The following SNED1 variants were observed in gnomAD, a reference collection of about 807,000 sequenced individuals.
SNED1 encodes the protein sushi, nidogen and EGF like domains 1.
A neutral mutation model predicts 166.7 loss-of-function variants in SNED1; 81 were observed. The ratio of observed to expected loss-of-function variants is 0.49; its 90% CI spans 0.41 to 0.58. SNED1 has a LOEUF of 0.58. Among genes scored for constraint, SNED1 ranks in the 20% least tolerant of loss-of-function variants. The pLI, the probability that SNED1 is intolerant of heterozygous loss-of-function variation, is 0.00. For missense variants in SNED1, 1,604 were observed against 2,000.2 expected (o/e 0.80, Z 3.78); for synonymous variants, 762 against 822.0 (o/e 0.93, Z 1.25).
chr2:241,051,448 T>C lies in SNED1; in HGVS notation c.1736-296T>C, dbSNP rs1574990893. 3 of 326,800 alleles carry C rather than the reference T, an allele frequency of 9.2e-6. No homozygotes were observed. In the East Asian group the frequency reaches 1.4e-4, roughly 15 times the overall value. The allele number at this position is 326,800 out of a possible 1,614,324, so 20.2% of individuals were successfully genotyped here. On this transcript the variant is annotated intron_variant, in intron 12 of 31. Coordinates refer to ENST00000310397, the MANE Select transcript of SNED1 (RefSeq NM_001080437.3). This position sits in a 1 kb window ranked among gnomAD's most constrained non-coding sequence, Gnocchi z 4.7. ...GGAGGGAGTGCTGCGCCCGCTGCAGTGTTGGGGCCGGTTCTCCACAGGAAG... is the reference window on the plus strand; with the variant it reads ...GGAGGGAGTGCTGCGCCCGCTGCAGCGTTGGGGCCGGTTCTCCACAGGAAG...
intron 28 of SNED1, 119 bp from the exon 29 acceptor site, chr2:241,082,158 C>G: frequency 1.3e-6 from 1 of 760,598 alleles, no homozygotes; most frequent in South Asian, 1.8e-5. Context: ...CCCACCATCC[C>G]GCCTTGGAGG....
intron 5 of SNED1, 25 bp downstream of exon 5, chr2:241,036,940 C>T (rs2125025732): frequency 6.3e-7 from 1 of 1,596,552 alleles, no homozygotes; most frequent in East Asian, 2.3e-5. Context: ...CAGGGCGGGA[C>T]CACCCGCTGG....
chr2:240,998,587 A>T (rs867574806), upstream of SNED1, among the ~76,000 whole-genome samples: 1 of 151,730 alleles, frequency 6.6e-6, no homozygotes, highest in Non-Finnish European at 1.5e-5. Flanking sequence ...GCCGGGCTGG[A>T]TATTTAAATC....
rs539086477 is a variant in SNED1, at chr2:241,053,873, C to T, written c.2257+547C>T. Among the ~76,000 whole-genome samples, 4 of 152,316 alleles carry T rather than the reference C, an allele frequency of 2.6e-5. No individual in the cohort carries two copies. The South Asian group carries it at 8.3e-4, about 32-fold the overall frequency. On this transcript the variant is annotated intron_variant, in intron 16 of 31. Transcript: ENST00000310397. Reference sequence around the variant, plus strand: ...CCTGGAGAAGTAGGGCCATTAACACCCTGCAGGTGCATCGCATTATGCCAG... The same window carrying T: ...CCTGGAGAAGTAGGGCCATTAACACTCTGCAGGTGCATCGCATTATGCCAG...
chr2:241,017,798 T>C (rs772136851), intron 1 of SNED1, among the ~76,000 whole-genome samples: 1 of 152,208 alleles, frequency 6.6e-6, no homozygotes, highest in Non-Finnish European at 1.5e-5. Flanking sequence ...TGAAGAATCC[T>C]GCAGAGCCCC....
At chr2:241,048,253 C>T (rs984002098) in intron 8 of SNED1, 62 bp from the exon 9 acceptor site, 145 of 1,499,748 alleles carry the variant, frequency 9.7e-5, no homozygotes, top group East Asian at 3.3e-4. Context: ...TGGAGCTGGG[C>T]GGGGAGACCA....
At chr2:241,016,500 G>A (rs1057230430) in intron 1 of SNED1, among the ~76,000 whole-genome samples, 1 of 151,942 alleles carries the variant, frequency 6.6e-6, no homozygotes, top group Non-Finnish European at 1.5e-5. Context: ...CCGGCCCATG[G>A]TGGATTATTT....
intron 24 of SNED1, 80 bp downstream of exon 24, chr2:241,070,281 C>T: frequency 7.1e-7 from 1 of 1,414,880 alleles, no homozygotes. Flanking sequence ...CCTGGCCCTG[C>T]AGGGGCCTGG....
intron 1 of SNED1, among the ~76,000 whole-genome samples, chr2:241,024,438 A>T (rs1305984036): frequency 6.7e-6 from 1 of 149,022 alleles, no homozygotes; most frequent in African/African-American, 2.5e-5. Context: ...TAGTAGAGAC[A>T]GGGTTTCACT....
intron 1 of SNED1, among the ~76,000 whole-genome samples, chr2:241,030,016 A>C (rs2061115234): frequency 1.3e-5 from 2 of 152,216 alleles, no homozygotes; most frequent in South Asian, 4.1e-4. Context: ...TATAGCAGCC[A>C]ACCAGGACTG....
chr2:241,029,177 C>A (rs2061080318), intron 1 of SNED1, among the ~76,000 whole-genome samples: 1 of 152,266 alleles, frequency 6.6e-6, no homozygotes, highest in Non-Finnish European at 1.5e-5. Context: ...AACTCATTCA[C>A]CTGGGCCCAG....
At chr2:241,003,527 C>G (rs2060134125) in intron 1 of SNED1, among the ~76,000 whole-genome samples, 1 of 152,256 alleles carries the variant, frequency 6.6e-6, no homozygotes, top group Non-Finnish European at 1.5e-5. Context: ...CCTTCCCTGA[C>G]AGGGTGAGCC....
chr2:241,005,164 AT>A (rs1359349457), intron 1 of SNED1, among the ~76,000 whole-genome samples: 2 of 151,646 alleles, frequency 1.3e-5, no homozygotes, highest in African/African-American at 2.4e-5. Flanking sequence ...AAAAATTTTT[AT>A]TTTTTAAATT....
intron 4 of SNED1, 118 bp downstream of exon 4, chr2:241,034,848 T>C: frequency 8.7e-7 from 1 of 1,147,690 alleles, no homozygotes; most frequent in Non-Finnish European, 1.2e-6. Context: ...AGCACTTGGG[T>C]GTCCAGCCCA....
rs1484411456 is a variant in SNED1 at position 240,999,864 on chromosome 2, T to C, written c.213+814T>C. ...TCGCCCTGAGTAGGCCACGGTGCAC[T>C]GGTACCTGGTGGTTCCCTGAAACAC... On this transcript the variant is annotated intron_variant, in intron 1 of 31. Coordinates refer to ENST00000310397, the MANE Select transcript of SNED1 (RefSeq NM_001080437.3). This position sits in a 1 kb window ranked among gnomAD's most constrained non-coding sequence, Gnocchi z 5.8. Among the ~76,000 whole-genome samples the C allele has an allele frequency of 6.6e-6, 1 of 152,106 alleles. No homozygotes were observed. Among genetic ancestry groups the C allele is most frequent in the Non-Finnish European group, 1.5e-5 (1 of 67,988 alleles).
intron 29 of SNED1, among the ~76,000 whole-genome samples, chr2:241,084,176 C>T (rs937106766): frequency 6.9e-6 from 1 of 144,020 alleles, no homozygotes; most frequent in African/African-American, 2.7e-5. Flanking sequence ...CCCTCTTGTC[C>T]CCCAGGCTGG....
At chr2:241,028,119 T>TC (rs1455468227) in intron 1 of SNED1, among the ~76,000 whole-genome samples, 1 of 152,224 alleles carries the variant, frequency 6.6e-6, no homozygotes, top group African/African-American at 2.4e-5. Context: ...AAGTCCTTTC[T>TC]CATTTTTGAA....
chr2:241,032,248 G>A (rs1330413503), intron 2 of SNED1, among the ~76,000 whole-genome samples: 1 of 151,992 alleles, frequency 6.6e-6, no homozygotes, highest in Non-Finnish European at 1.5e-5. Context: ...TACTCGGGAG[G>A]CTGAGGCAGG....
Position 241,026,238 on chromosome 2 carries a change from G to A in SNED1, c.214-4046G>A, listed in dbSNP as rs1269702173. ...TCACCATGTTGGTCAGGCTTGTCTC[G>A]AACCCCTGACCTCATGATCCACCCA... On this transcript the variant is annotated intron_variant, in intron 1 of 31. Coordinates refer to ENST00000310397, the MANE Select transcript of SNED1 (RefSeq NM_001080437.3). Among the ~76,000 whole-genome samples the A allele has an allele frequency of 2.0e-5, 3 of 151,934 alleles. No homozygotes were observed. The East Asian group carries it at 5.8e-4, about 29-fold the overall frequency.
Sources: gnomAD v4.1 joint callset for allele counts (sites outside exome capture counted in the v4.1 genomes callset) on GRCh38, gnomAD v4.1.1 for gene constraint, Gnocchi (gnomAD v3.1) non-coding constraint, MANE v1.5 for transcripts, NCBI Gene and HGNC (gene_info 2026-07-23, HGNC 2026-07-21) for gene names.